Variants in CHRNA7 observed in about 807,000 individuals in gnomAD.
CHRNA7 encodes the protein cholinergic receptor nicotinic alpha 7 subunit, also known as neuronal acetylcholine receptor subunit alpha-7.
In CHRNA7, 17 loss-of-function variants were observed where a neutral mutation model predicts 48.0. The observed-to-expected ratio is 0.35, with a 90% confidence interval of 0.24 to 0.53. The LOEUF (loss-of-function observed/expected upper bound fraction) is 0.53, where lower values mean the gene tolerates loss of function less well. Among genes scored for constraint, CHRNA7 ranks in the 20% least tolerant of loss-of-function variants. The pLI is 0.92. For missense variants in CHRNA7, 155 were observed against 577.7 expected (o/e 0.27, Z 7.50); for synonymous variants, 75 against 242.3 (o/e 0.31, Z 6.41).
At chr15:32,053,309 T>C (rs1405334429) in intron 2 of CHRNA7, among the ~76,000 whole-genome samples, 2 of 152,194 alleles carry the variant, frequency 1.3e-5, no homozygotes, top group Admixed American at 1.3e-4. Flanking sequence ...AGAGAAATAG[T>C]CTTGTCATGG....
At chr15:32,151,887 C>G (rs987119414) in intron 4 of CHRNA7, among the ~76,000 whole-genome samples, 6 of 152,156 alleles carry the variant, frequency 3.9e-5, no homozygotes, top group African/African-American at 1.4e-4. Context: ...CTTGAGAAAT[C>G]TCAGACATGG....
intron 4 of CHRNA7, among the ~76,000 whole-genome samples, chr15:32,143,110 T>C (rs1255317279): frequency 6.6e-6 from 1 of 152,242 alleles, no homozygotes; most frequent in African/African-American, 2.4e-5. Flanking sequence ...GAGATTCTGG[T>C]ACGTTGTGTG....
intron 4 of CHRNA7, among the ~76,000 whole-genome samples, chr15:32,143,337 C>A (rs920037492): frequency 7.9e-5 from 12 of 152,108 alleles, no homozygotes; most frequent in Admixed American, 6.6e-4. Flanking sequence ...TGTTTTACTT[C>A]CAATTATTTG....
intron 2 of CHRNA7, among the ~76,000 whole-genome samples, chr15:32,062,876 A>G (rs1399952631): frequency 1.3e-5 from 2 of 152,178 alleles, no homozygotes; most frequent in Non-Finnish European, 2.9e-5. Flanking sequence ...TACAAACATC[A>G]GAGTCTACTT....
chr15:32,087,095 C>G (rs2050310533), intron 2 of CHRNA7, among the ~76,000 whole-genome samples: 1 of 152,128 alleles, frequency 6.6e-6, no homozygotes, highest in Non-Finnish European at 1.5e-5. Context: ...GGCAAAGTGT[C>G]TACATAAATT....
chr15:32,129,959 A>G (rs1266599995), intron 4 of CHRNA7, among the ~76,000 whole-genome samples: 1 of 151,926 alleles, frequency 6.6e-6, no homozygotes, highest in Non-Finnish European at 1.5e-5. Flanking sequence ...TCTTTGACTC[A>G]TGGATTATTT....
chr15:32,093,832 A>G (rs1316985052), intron 2 of CHRNA7, among the ~76,000 whole-genome samples: 2 of 152,192 alleles, frequency 1.3e-5, no homozygotes, highest in African/African-American at 4.8e-5. Context: ...GATTTTTTAA[A>G]TCCCTTAAGC....
At chr15:32,106,679 T>G (rs563542950) in intron 3 of CHRNA7, among the ~76,000 whole-genome samples, 1 of 152,352 alleles carries the variant, frequency 6.6e-6, no homozygotes, top group Admixed American at 6.5e-5. Context: ...AAGAGACATT[T>G]GAACCATCCA....
At chr15:32,078,568 T>C (rs1218383615) in intron 2 of CHRNA7, among the ~76,000 whole-genome samples, 1 of 148,804 alleles carries the variant, frequency 6.7e-6, no homozygotes, top group South Asian at 2.1e-4. Context: ...CCTGAACACA[T>C]ACACCCTCCC....
Position 32,072,020 on chromosome 15 carries a change from A to G in CHRNA7, c.196-29283A>G, listed in dbSNP as rs547610165. Among the ~76,000 whole-genome samples, 95 of 152,236 alleles carry G rather than the reference A, an allele frequency of 6.2e-4. No homozygotes were observed. The South Asian group carries it at 0.019, about 30-fold the overall frequency. ...GACTTAGAAGACAGGAAGATTAGGG[A>G]AAGTTTGGAACTTCTTAGAGACTGG... On this transcript the variant is annotated intron_variant, in intron 2 of 9. Coordinates refer to ENST00000306901, the MANE Select transcript of CHRNA7 (RefSeq NM_000746.6).
chr15:32,107,855 A>G (rs1196238071), intron 3 of CHRNA7, among the ~76,000 whole-genome samples: 1 of 151,944 alleles, frequency 6.6e-6, no homozygotes, highest in Non-Finnish European at 1.5e-5. Flanking sequence ...CATGAAAGCT[A>G]TCTAGGTGCC....
rs556388262 is a variant in CHRNA7, at chr15:32,087,372, GT to G, written c.196-13929del. On this transcript the variant is annotated intron_variant, in intron 2 of 9. Coordinates refer to ENST00000306901, the MANE Select transcript of CHRNA7 (RefSeq NM_000746.6). ...TTTCTGGCTCTACAGTATGTTCCAG[GT>G]TCATCTGGTATATTTCCTGCCCAAC... Among the ~76,000 whole-genome samples the G allele has an allele frequency of 5.2e-4, 79 of 151,972 alleles. 1 individual carries two copies. Among genetic ancestry groups the G allele is most frequent in the African/African-American group, 1.9e-3 (77 of 41,430 alleles).
At chr15:32,075,416 G>T (rs2050121916) in intron 2 of CHRNA7, among the ~76,000 whole-genome samples, 1 of 152,036 alleles carries the variant, frequency 6.6e-6, no homozygotes, top group Non-Finnish European at 1.5e-5. Context: ...TTTGTATTAG[G>T]TGAGTTGTAA....
chr15:32,144,754 T>C (rs139090339), intron 4 of CHRNA7, among the ~76,000 whole-genome samples: 1 of 152,348 alleles, frequency 6.6e-6, no homozygotes, highest in Non-Finnish European at 1.5e-5. Context: ...ATGCTGTGGT[T>C]TTCAGCTCCA....
chr15:32,141,829 A>G (rs12914542), intron 4 of CHRNA7, among the ~76,000 whole-genome samples: 62,907 of 150,982 alleles, frequency 0.42, 13,378 homozygotes, highest in African/African-American at 0.53. Flanking sequence ...GGCTGAGACA[A>G]TGGGGTTTTC....
rs368034163 is a variant in CHRNA7 at position 32,058,107 on chromosome 15, C to T, written c.195+27070C>T. Among the ~76,000 whole-genome samples the T allele has an allele frequency of 3.3e-5, 5 of 152,140 alleles. No individual in the cohort carries two copies. In the East Asian group the frequency reaches 9.6e-4, roughly 29 times the overall value. On this transcript the variant is annotated intron_variant, in intron 2 of 9. Coordinates refer to ENST00000306901, the MANE Select transcript of CHRNA7 (RefSeq NM_000746.6). ...GACTAGTGGTCCTAGGAGCAGTAGG[C>T]TTTTAATTCTGCTTCCTGCACTCTA...
At chr15:32,117,747 G>A (rs1329863087) in intron 4 of CHRNA7, among the ~76,000 whole-genome samples, 1 of 152,088 alleles carries the variant, frequency 6.6e-6, no homozygotes, top group Non-Finnish European at 1.5e-5. Context: ...CACATGGAAT[G>A]GCATCTTAGG....
chr15:32,111,797 C>G lies in CHRNA7; in HGVS notation c.248C>G (p.Thr83Arg), dbSNP rs2050766179. The change falls in exon 4 of 10, where the codon ACA (threonine) becomes AGA (arginine). Residue 83 changes from threonine (T) to arginine (R), a missense_variant. Transcript: ENST00000306901. ...TTNIWLQMSWTDHYLQWNVSE... is the reference protein window; with the variant it reads ...TTNIWLQMSWRDHYLQWNVSE... ...TGTCATTGTGTGTGTCAGTCTTGGA[C>G]AGATCACTATTTACAGTGGAATGTG... 6.2e-7 allele frequency: 1 copy of G among 1,607,386 alleles called. No homozygotes were observed.
chr15:32,115,680 T>A (rs1003770691), intron 4 of CHRNA7, among the ~76,000 whole-genome samples: 5 of 152,030 alleles, frequency 3.3e-5, no homozygotes, highest in Non-Finnish European at 7.4e-5. Context: ...AGAACACATT[T>A]CTCTGTCACG....
Sources: allele counts gnomAD v4.1 joint callset (sites outside exome capture counted in the v4.1 genomes callset), GRCh38; gene constraint gnomAD v4.1.1; transcripts MANE v1.5; gene names NCBI Gene and HGNC (gene_info 2026-07-23, HGNC 2026-07-21).